RCOR1: variants seen among roughly 807,000 people sequenced by gnomAD.
RCOR1 encodes the protein REST corepressor.
A neutral mutation model predicts 64.0 loss-of-function variants in RCOR1; 12 were observed. That is an observed-to-expected ratio of 0.19 (90% CI 0.12 to 0.30). The LOEUF is 0.30. Among genes scored for constraint, RCOR1 ranks in the 10% least tolerant of loss-of-function variants. The probability of loss-of-function intolerance (pLI) is 1.00; values close to 1 mark genes in which losing one functional copy is unlikely to be tolerated. For missense variants in RCOR1, 502 were observed against 621.2 expected (o/e 0.81, Z 2.04); for synonymous variants, 279 against 227.2 (o/e 1.23, Z -2.05).
chr14:102,679,056 T>C (rs1895250082), intron 2 of RCOR1, among the ~76,000 whole-genome samples: 1 of 152,254 alleles, frequency 6.6e-6, no homozygotes, highest in African/African-American at 2.4e-5. Flanking sequence ...TATGCAAATA[T>C]TTTCTTACAG....
chr14:102,711,055 T>C, intron 7 of RCOR1, 42 bp downstream of exon 7: 2 of 1,275,362 alleles, frequency 1.6e-6, no homozygotes, highest in Non-Finnish European at 2.2e-6. Flanking sequence ...ATAAATTTTA[T>C]TACTAGTTTC....
chr14:102,624,905 C>T (rs1295284798), intron 2 of RCOR1, among the ~76,000 whole-genome samples: 1 of 152,110 alleles, frequency 6.6e-6, no homozygotes, highest in Non-Finnish European at 1.5e-5. Flanking sequence ...AAGTCTTCCC[C>T]TTTTTCCCCA....
At chr14:102,715,647 T>C (rs1257242673) in intron 8 of RCOR1, among the ~76,000 whole-genome samples, 2 of 152,164 alleles carry the variant, frequency 1.3e-5, no homozygotes, top group Non-Finnish European at 2.9e-5. Context: ...CCTCCCAAAG[T>C]GTACTGAGAT....
intron 2 of RCOR1, among the ~76,000 whole-genome samples, chr14:102,595,785 C>T (rs4900546): frequency 0.15 from 22,686 of 151,754 alleles, 2,292 homozygotes; most frequent in African/African-American, 0.28. Context: ...TTCACCGTGT[C>T]AGCCAGGATG....
intron 2 of RCOR1, among the ~76,000 whole-genome samples, chr14:102,675,525 G>C (rs890184915): frequency 2.0e-5 from 3 of 152,230 alleles, no homozygotes; most frequent in African/African-American, 7.2e-5. Flanking sequence ...TGACAGTCCA[G>C]CTGATAACTA....
At chr14:102,649,765 T>C (rs1894547372) in intron 2 of RCOR1, 2 of 984,540 alleles carry the variant, frequency 2.0e-6, no homozygotes, top group Admixed American at 6.1e-5. Flanking sequence ...TAGTTGCTTA[T>C]ATTAGCTAGA....
chr14:102,692,863 T>G (rs926539187), intron 3 of RCOR1, among the ~76,000 whole-genome samples: 2 of 151,476 alleles, frequency 1.3e-5, no homozygotes, highest in African/African-American at 4.9e-5. Context: ...CCTCCCAGGT[T>G]CAAGCAATTC....
At chr14:102,675,828 C>T (rs1471040948) in intron 2 of RCOR1, among the ~76,000 whole-genome samples, 3 of 152,300 alleles carry the variant, frequency 2.0e-5, no homozygotes, top group African/African-American at 7.2e-5. Flanking sequence ...TATTCATTAT[C>T]CCTGTACTTT....
chr14:102,691,349 C>T (rs571886948), intron 3 of RCOR1, among the ~76,000 whole-genome samples: 12 of 152,224 alleles, frequency 7.9e-5, no homozygotes, highest in African/African-American at 2.2e-4. Flanking sequence ...TTAAAAAGAA[C>T]CTGTGCTGAG....
chr14:102,663,410 T>C (rs1221467126), intron 2 of RCOR1, among the ~76,000 whole-genome samples: 1 of 152,204 alleles, frequency 6.6e-6, no homozygotes, highest in Non-Finnish European at 1.5e-5. Context: ...TTGCAAAGAA[T>C]TTCATATTGT....
In RCOR1 at chr14:102,621,367, CTTT is replaced by C. The variant is rs35481023; in HGVS notation, c.361+28066_361+28068del. ...AACTGTCTTGCACACCAGTCTTTGT[CTTT>C]TTTTTTTTTTTTTTTTTTTTTTTGA... is the stretch of plus-strand genomic sequence containing the variant. On this transcript the variant is annotated intron_variant, in intron 2 of 11. Transcript: ENST00000262241. 0.013 allele frequency among the ~76,000 whole-genome samples: 1,013 copies of C among 78,510 alleles called. 32 individuals are homozygous for C. The East Asian group carries it at 0.21, about 16-fold the overall frequency. 51.5% of individuals were successfully genotyped at this position (78,510 alleles called of 152,430 possible). A position where few individuals can be genotyped will look rare whatever the true frequency, so the allele number is the denominator to read the frequency against.
At chr14:102,724,037 T>G (rs1896215648) in intron 11 of RCOR1, among the ~76,000 whole-genome samples, 1 of 152,172 alleles carries the variant, frequency 6.6e-6, no homozygotes, top group South Asian at 2.1e-4. Flanking sequence ...TATTTTTTTT[T>G]TAACCTTGTT....
chr14:102,712,169 C>T (rs1392340987), intron 7 of RCOR1, among the ~76,000 whole-genome samples: 1 of 151,890 alleles, frequency 6.6e-6, no homozygotes, highest in Non-Finnish European at 1.5e-5. Flanking sequence ...CCACCTCCAG[C>T]CCTTGATTTT....
intron 3 of RCOR1, among the ~76,000 whole-genome samples, chr14:102,684,398 C>G (rs986122853): frequency 1.3e-5 from 2 of 152,066 alleles, no homozygotes; most frequent in Non-Finnish European, 2.9e-5. Context: ...AGGGGTTTTC[C>G]TTAGATGGCA....
intron 3 of RCOR1, among the ~76,000 whole-genome samples, chr14:102,696,228 C>T (rs1895646849): frequency 1.3e-5 from 2 of 152,076 alleles, no homozygotes; most frequent in African/African-American, 2.4e-5. Flanking sequence ...TTGCTTATTT[C>T]GGCTTGCTAT....
intron 2 of RCOR1, among the ~76,000 whole-genome samples, chr14:102,625,360 C>T (rs575042220): frequency 3.8e-4 from 58 of 151,632 alleles, no homozygotes; most frequent in Middle Eastern, 3.4e-3. Flanking sequence ...CTCAGCCTCC[C>T]GAGTAGCTGG....
intron 2 of RCOR1, chr14:102,662,193 T>C (rs1894838671): frequency 2.3e-6 from 1 of 431,190 alleles, no homozygotes. Context: ...TTATTTTTTC[T>C]GGTGAAAAGA....
At chr14:102,629,449 C>G (rs563461097) in intron 2 of RCOR1, among the ~76,000 whole-genome samples, 20 of 151,852 alleles carry the variant, frequency 1.3e-4, no homozygotes, top group Middle Eastern at 3.4e-3. Context: ...GCCTCCCCCC[C>G]CCCCACCACT....
intron 4 of RCOR1, among the ~76,000 whole-genome samples, chr14:102,704,505 C>T (rs745922588): frequency 6.6e-6 from 1 of 152,220 alleles, no homozygotes; most frequent in Non-Finnish European, 1.5e-5. Context: ...GATCTCAGCT[C>T]ACTACAACCT....
Sources: gnomAD v4.1 joint callset for allele counts (sites outside exome capture counted in the v4.1 genomes callset) on GRCh38, gnomAD v4.1.1 for gene constraint, MANE v1.5 for transcripts, NCBI Gene and HGNC (gene_info 2026-07-23, HGNC 2026-07-21) for gene names.